The following SEMA3A variants were observed in gnomAD, a reference collection of about 807,000 sequenced individuals.
SEMA3A encodes the protein semaphorin 3A.
Under a neutral mutation model 97.9 loss-of-function variants are expected in SEMA3A, and 29 were observed. The ratio of observed to expected loss-of-function variants is 0.30; its 90% CI spans 0.22 to 0.40. The LOEUF (loss-of-function observed/expected upper bound fraction) is 0.40, where lower values mean the gene tolerates loss of function less well. SEMA3A is among the 10% of genes least tolerant of loss of function. SEMA3A has a pLI of 1.00. For synonymous variants in SEMA3A, 321 were observed against 323.7 expected, an observed-to-expected ratio of 0.99 and a Z score of 0.09; for missense variants, 763 against 951.3, an observed-to-expected ratio of 0.80 and a Z score of 2.60.
intron 2 of SEMA3A, among the ~76,000 whole-genome samples, chr7:84,308,639 A>T (rs933417864): frequency 2.6e-5 from 4 of 152,064 alleles, no homozygotes; most frequent in Non-Finnish European, 5.9e-5. Flanking sequence ...TTGGTGGAAG[A>T]CTTCTCTAAG....
At position 84,186,755 on chromosome 7, in the gene SEMA3A, T is replaced by TA. The variant is rs35194622; in HGVS notation, c.112+7719dup. ...TACCATGTCACAATAACTACATATTTAAAAAAAAAAAAAGAATTTTCCAAC... is the reference window on the plus strand; with the variant it reads ...TACCATGTCACAATAACTACATATTTAAAAAAAAAAAAAAGAATTTTCCAAC... On this transcript the variant is annotated intron_variant, in intron 1 of 16. Coordinates refer to ENST00000265362, the MANE Select transcript of SEMA3A (RefSeq NM_006080.3). 4.9e-3 allele frequency among the ~76,000 whole-genome samples: 709 copies of TA among 143,858 alleles called. 4 individuals carry two copies. Among genetic ancestry groups the TA allele is most frequent in the African/African-American group, 0.016 (614 of 39,396 alleles). The allele number at this position is 143,858 out of a possible 152,430, so 94.4% of individuals were successfully genotyped here.
Position 84,014,238 on chromosome 7 carries a change from T to A in SEMA3A, c.781A>T (p.Thr261Ser). 6.2e-7 allele frequency: 1 copy of A among 1,613,588 alleles called. No homozygotes were observed. Among genetic ancestry groups the A allele is most frequent in the Non-Finnish European group, 8.5e-7 (1 of 1,179,788 alleles). Residue 261 changes from threonine (T) to serine (S), a missense_variant, in exon 7 of 17, where the codon ACT becomes TCT. Coordinates refer to ENST00000265362, the MANE Select transcript of SEMA3A (RefSeq NM_006080.3). ...AIDGEHSGKA[T>S]HARIGQICKN... ...CATATCTGACCTATTCTAGCGTGAG[T>A]AGCTTTTCCAGAGTGTTCTCCATCT...
intron 1 of SEMA3A, among the ~76,000 whole-genome samples, chr7:84,452,722 T>C (rs1367450876): frequency 6.6e-6 from 1 of 152,220 alleles, no homozygotes; most frequent in African/African-American, 2.4e-5. Context: ...AGGGTGTTGC[T>C]GATGAAAGAC....
chr7:84,464,886 T>C (rs189201912), intron 1 of SEMA3A, among the ~76,000 whole-genome samples: 1 of 152,204 alleles, frequency 6.6e-6, no homozygotes, highest in African/African-American at 2.4e-5. Flanking sequence ...TTCCTATCAG[T>C]GTAATAAAGA....
intron 1 of SEMA3A, among the ~76,000 whole-genome samples, chr7:84,485,359 C>T (rs541470326): frequency 6.7e-6 from 1 of 149,898 alleles, no homozygotes; most frequent in Non-Finnish European, 1.5e-5. Context: ...CATGAAAATA[C>T]ATGTTAATAT....
Position 84,194,697 on chromosome 7 carries a change from T to C in SEMA3A, c.-111A>G. 5 of 683,832 alleles carry C rather than the reference T, an allele frequency of 7.3e-6. No homozygotes were observed. The highest frequency in any genetic ancestry group is 1.0e-5 in the Non-Finnish European group (4 of 381,632). 42.4% of individuals were successfully genotyped at this position (683,832 alleles called of 1,614,324 possible). On this transcript the variant is annotated 5_prime_UTR_variant, in exon 1 of 17. Transcript: ENST00000265362. The stretch of plus-strand genomic sequence containing the variant: ...GAGGTAACAGGTGATTTAGGTCAGT[T>C]TCATTCATAAATGCAGACAATCAAG...
chr7:84,055,013 CTCAGGGG>C (rs1337146120), intron 5 of SEMA3A, among the ~76,000 whole-genome samples: 1 of 152,126 alleles, frequency 6.6e-6, no homozygotes, highest in Non-Finnish European at 1.5e-5. Context: ...AGTTAGGCTG[CTCAGGGG>C]TCAGGGGTCA....
At chr7:84,483,077 A>T (rs1194984798) in intron 1 of SEMA3A, among the ~76,000 whole-genome samples, 1 of 152,212 alleles carries the variant, frequency 6.6e-6, no homozygotes, top group Non-Finnish European at 1.5e-5. Flanking sequence ...CTCTATGTGC[A>T]ATAACTATAA....
chr7:84,307,147 T>C (rs1355401982), intron 3 of SEMA3A: 2 of 152,126 alleles, frequency 1.3e-5, no homozygotes, highest in African/African-American at 4.8e-5. Context: ...TGCAGTAGTA[T>C]CTCTAAATTT....
intron 4 of SEMA3A, among the ~76,000 whole-genome samples, chr7:84,062,850 T>C (rs905426599): frequency 7.4e-4 from 81 of 109,228 alleles, no homozygotes; most frequent in East Asian, 5.4e-3. Context: ...GGGAGGGGCG[T>C]CCGCCATTGC....
At chr7:84,378,575 G>C (rs1185126970) in intron 1 of SEMA3A, among the ~76,000 whole-genome samples, 1 of 152,000 alleles carries the variant, frequency 6.6e-6, no homozygotes, top group Non-Finnish European at 1.5e-5. Context: ...GGGGGCAAGG[G>C]GACGGATAGC....
intron 3 of SEMA3A, among the ~76,000 whole-genome samples, chr7:84,275,026 CT>C (rs1800257711): frequency 6.6e-6 from 1 of 152,020 alleles, no homozygotes; most frequent in Non-Finnish European, 1.5e-5. Flanking sequence ...ACAAGTTTCA[CT>C]CTGCCACTTA....
At chr7:83,994,630 GGA>G (rs1790127282) in intron 12 of SEMA3A, among the ~76,000 whole-genome samples, 3 of 142,082 alleles carry the variant, frequency 2.1e-5, no homozygotes, top group African/African-American at 8.0e-5. Context: ...GGCTGCTCCG[GGA>G]TCAGGGGTCA....
At chr7:84,105,411 C>T (rs1436041722) in intron 4 of SEMA3A, among the ~76,000 whole-genome samples, 2 of 152,022 alleles carry the variant, frequency 1.3e-5, no homozygotes, top group African/African-American at 2.4e-5. Flanking sequence ...AAGGGAAGAA[C>T]CAGACAAAAC....
rs906598167 is a variant in SEMA3A at position 84,071,519 on chromosome 7, T to C, written c.454-10961A>G. 4.6e-5 allele frequency among the ~76,000 whole-genome samples: 7 copies of C among 152,248 alleles called. 1 individual carries two copies. The East Asian group carries it at 1.4e-3, about 29-fold the overall frequency. The stretch of plus-strand genomic sequence containing the variant: ...AAAAATACTCACTCTATTTTTCCTG[T>C]ATGTCATTCTTCATGTATTTGGAGT... On this transcript the variant is annotated intron_variant, in intron 4 of 16. Transcript: ENST00000265362.
At chr7:84,358,938 T>C (rs1393077020) in intron 2 of SEMA3A, among the ~76,000 whole-genome samples, 1 of 152,196 alleles carries the variant, frequency 6.6e-6, no homozygotes, top group Non-Finnish European at 1.5e-5. Flanking sequence ...GCTGTTTGTC[T>C]GTTATTGGTG....
chr7:84,428,040 A>T (rs574079690), intron 1 of SEMA3A, among the ~76,000 whole-genome samples: 32 of 152,232 alleles, frequency 2.1e-4, no homozygotes, highest in African/African-American at 6.7e-4. Flanking sequence ...GATATGAAAA[A>T]AGTTCAACAA....
chr7:84,397,688 C>T (rs546103075), intron 1 of SEMA3A, among the ~76,000 whole-genome samples: 7 of 151,888 alleles, frequency 4.6e-5, no homozygotes, highest in Admixed American at 3.3e-4. Context: ...GTAATCTCCA[C>T]GAATTTCTTC....
At chr7:84,442,920 T>C (rs981387018) in intron 1 of SEMA3A, among the ~76,000 whole-genome samples, 7 of 152,008 alleles carry the variant, frequency 4.6e-5, no homozygotes, top group Non-Finnish European at 8.8e-5. Flanking sequence ...CATAAAGCTA[T>C]AACAATTATA....
Sources: gnomAD v4.1 joint callset for allele counts (sites outside exome capture counted in the v4.1 genomes callset) on GRCh38, gnomAD v4.1.1 for gene constraint, MANE v1.5 for transcripts, NCBI Gene and HGNC (gene_info 2026-07-23, HGNC 2026-07-21) for gene names.